Variants in ZNF534 observed in about 807,000 individuals in gnomAD.
The protein encoded by ZNF534 is KRAB domain only 3.
In ZNF534, 19 loss-of-function variants were observed where a neutral mutation model predicts 13.6. The ratio of observed to expected loss-of-function variants is 1.40; its 90% CI spans 0.97 to 2.05. The LOEUF (loss-of-function observed/expected upper bound fraction) is 2.05, where lower values mean the gene tolerates loss of function less well. Among genes scored for constraint, ZNF534 ranks in the 30% most tolerant of loss-of-function variants. The probability of loss-of-function intolerance (pLI) is 0.00; values close to 1 mark genes in which losing one functional copy is unlikely to be tolerated. For synonymous variants in ZNF534, 244 were observed against 273.8 expected (o/e 0.89, Z 1.07); for missense variants, 782 against 796.3 (o/e 0.98, Z 0.22).
At chr19:52,451,994 A>G in exon 5 of ZNF534, 1 of 306,774 alleles carries the variant, frequency 3.3e-6, no homozygotes, top group South Asian at 4.3e-5. Context: ...TCTTAAAAAC[A>G]AAGAGTTTTT....
chr19:52,450,670 G>GTTTTT lies in ZNF534; in HGVS notation c.272-507_272-503dup, dbSNP rs796423133. 7.4e-4 allele frequency among the ~76,000 whole-genome samples: 28 copies of GTTTTT among 37,780 alleles called. 11 individuals carry two copies. The highest frequency in any genetic ancestry group is 1.1e-3 in the Non-Finnish European group (19 of 16,576). The allele number at this position is 37,780 out of a possible 152,430, so 24.8% of individuals were successfully genotyped here. A position where few individuals can be genotyped will look rare whatever the true frequency, so the allele number is the denominator to read the frequency against. ...CCGTAGTTCCCTATGAATTTTAGGA[G>GTTTTT]TTTTTTTTTTTTTTGTTTTTGTTTT... On this transcript the variant is annotated intron_variant, in intron 4 of 4. Transcript: ENST00000301085.
chr19:52,445,037 G>T (rs545311450), downstream of ZNF534, among the ~76,000 whole-genome samples: 27 of 152,240 alleles, frequency 1.8e-4, no homozygotes, highest in South Asian at 4.1e-4. Context: ...TCATTCAGTT[G>T]GAATTGTTAC....
chr19:52,433,878 TA>T (rs2059109382), intron 2 of ZNF534, 76 bp from the exon 3 acceptor site: 1 of 1,576,712 alleles, frequency 6.3e-7, no homozygotes, highest in African/African-American at 1.3e-5. Flanking sequence ...AGTGAGTCCT[TA>T]CAACTGTCTT....
intron 4 of ZNF534, among the ~76,000 whole-genome samples, chr19:52,435,680 T>C (rs2059124195): frequency 6.6e-6 from 1 of 151,998 alleles, no homozygotes; most frequent in Non-Finnish European, 1.5e-5. Context: ...GTTTTTTGTA[T>C]TTTTAGTAGA....
Position 52,437,973 on chromosome 19 carries a change from A to C in ZNF534, c.513A>C (p.Thr171=). The part of the protein sequence containing the change: ...NNYRNDFLFS[T]LLPQEQKVHI... Reference sequence around the variant, plus strand: ...ACAGAAATGATTTTCTTTTTTCTACATTACTCCCACAAGAACAGAAAGTAC... The same window carrying C: ...ACAGAAATGATTTTCTTTTTTCTACCTTACTCCCACAAGAACAGAAAGTAC... The change falls in exon 5 of 5, where the codon ACA becomes ACC. Residue 171 remains threonine (T), a synonymous_variant. Transcript: ENST00000433050. The C allele has an allele frequency of 6.2e-7, 1 of 1,613,830 alleles. No individual in the cohort carries two copies. Among genetic ancestry groups the C allele is most frequent in the South Asian group, 1.1e-5 (1 of 91,014 alleles).
chr19:52,438,232 G>T lies in ZNF534; in HGVS notation c.772G>T (p.Ala258Ser). The change falls in exon 5 of 5, where the codon GCA (alanine) becomes TCA (serine). Residue 258 changes from alanine (A) to serine (S), a missense_variant. Ala to Ser is a moderately conservative substitution (Grantham distance 99, BLOSUM62 1). Coordinates refer to ENST00000433050, the MANE Select transcript of ZNF534 (RefSeq NM_001143938.3). ...AGTCTTCAATCAGAATTCACACCTT[G>T]CACAACATCAGAAAATTCATACTGG... ...GKVFNQNSHL[A>S]QHQKIHTGQK... 1 of 1,613,826 alleles carries T rather than the reference G, an allele frequency of 6.2e-7. No homozygotes were observed. The highest frequency in any genetic ancestry group is 8.5e-7 in the Non-Finnish European group (1 of 1,179,944).
intron 4 of ZNF534, among the ~76,000 whole-genome samples, chr19:52,450,653 C>T (rs12982843): frequency 7.4e-6 from 1 of 135,590 alleles, no homozygotes; most frequent in Non-Finnish European, 1.5e-5. Flanking sequence ...TTCCGTAGTT[C>T]CCTATGAATT....
chr19:52,444,995 C>T (rs1040109448), downstream of ZNF534, among the ~76,000 whole-genome samples: 5 of 152,124 alleles, frequency 3.3e-5, no homozygotes, highest in East Asian at 1.9e-4. Flanking sequence ...ACTGGATTCA[C>T]GCTCTTCCAT....
downstream of ZNF534, among the ~76,000 whole-genome samples, chr19:52,446,098 C>T (rs1263282145): frequency 6.6e-6 from 1 of 152,136 alleles, no homozygotes; most frequent in African/African-American, 2.4e-5. Context: ...AGATGGTCAA[C>T]TAAAATCTCT....
rs544963375 is a variant in ZNF534, at chr19:52,440,112, A to G, written c.*666A>G. Among the ~76,000 whole-genome samples the G allele has an allele frequency of 6.6e-6, 1 of 152,330 alleles. No homozygotes were observed. Among genetic ancestry groups the G allele is most frequent in the Non-Finnish European group, 1.5e-5 (1 of 68,036 alleles). On this transcript the variant is annotated 3_prime_UTR_variant, in exon 5 of 5. Coordinates refer to ENST00000433050, the MANE Select transcript of ZNF534 (RefSeq NM_001143938.3). ...AGTTATGAAGCCTCACAAAAGTAAT[A>G]AATATGGCAAAGAATTTCATATGAA...
chr19:52,451,654 C>T (rs369187174), exon 5 of ZNF534: 62 of 655,332 alleles, frequency 9.5e-5, no homozygotes, highest in East Asian at 6.3e-4. Flanking sequence ...TGAAAACGGA[C>T]ATTCAGACAG....
Position 52,451,818 on chromosome 19 carries a change from A to T in ZNF534, c.*321A>T, listed in dbSNP as rs2059218388. On this transcript the variant is annotated 3_prime_UTR_variant, in exon 5 of 5. Coordinates refer to the ZNF534 transcript ENST00000301085. Reference sequence around the variant, plus strand: ...TTTGCAAAGAAAAGTTTGAAGTCAAAAAAAGGTGATCGAATTGCACAGCTC... The same window carrying T: ...TTTGCAAAGAAAAGTTTGAAGTCAATAAAAGGTGATCGAATTGCACAGCTC... The T allele has an allele frequency of 5.3e-6, 4 of 759,472 alleles. No homozygotes were observed. In the South Asian group the frequency reaches 5.8e-5, roughly 11 times the overall value. 47.0% of individuals were successfully genotyped at this position (759,472 alleles called of 1,614,324 possible). A position where few individuals can be genotyped will look rare whatever the true frequency, so the allele number is the denominator to read the frequency against.
In ZNF534 at chr19:52,440,447, G is replaced by A. The variant is rs374589329; in HGVS notation, c.*1001G>A. Reference sequence around the variant, plus strand: ...ATACCTTTTAAATGTAGCAAATATGGCAAAGTCAAAGTCACAATTCACATC... The same window carrying A: ...ATACCTTTTAAATGTAGCAAATATGACAAAGTCAAAGTCACAATTCACATC... On this transcript the variant is annotated 3_prime_UTR_variant, in exon 5 of 5. Transcript: ENST00000433050. Among the ~76,000 whole-genome samples, 52 of 152,250 alleles carry A rather than the reference G, an allele frequency of 3.4e-4. 2 individuals are homozygous for A. In the South Asian group the frequency reaches 6.6e-3, roughly 19 times the overall value.
At position 52,441,833 on chromosome 19, in the gene ZNF534, T is replaced by C. The variant is rs896020496; in HGVS notation, c.*2387T>C. ...ACATAATGGAGAGAAACCTTACAAA[T>C]GCAACATATGTGGTAAAATGTTTTA... On this transcript the variant is annotated 3_prime_UTR_variant, in exon 5 of 5. Coordinates refer to ENST00000433050, the MANE Select transcript of ZNF534 (RefSeq NM_001143938.3). Among the ~76,000 whole-genome samples the C allele has an allele frequency of 2.0e-5, 3 of 152,142 alleles. No homozygotes were observed. The highest frequency in any genetic ancestry group is 1.3e-4 in the Admixed American group (2 of 15,274).
In ZNF534 at chr19:52,438,994, CAT is replaced by C. The variant is rs959110986; in HGVS notation, c.1536_1537del (p.His512GlnfsTer13). 3.1e-6 allele frequency: 5 copies of C among 1,603,664 alleles called. No homozygotes were observed. The African/African-American group carries it at 5.4e-5, about 17-fold the overall frequency. ...VFRQNSHLAQ[H>X]RDIHTGEKPY... ...CCGTCAGAATTCACACCTTGCACAA[CAT>C]AGGGATATTCATACTGGAGAGAAGC... On this transcript the variant is annotated frameshift_variant, in exon 5 of 5. Transcript: ENST00000433050. LOFTEE classifies it low-confidence loss of function (END_TRUNC).
At chr19:52,451,547 G>T in exon 5 of ZNF534, 1 of 602,894 alleles carries the variant, frequency 1.7e-6, no homozygotes, top group Non-Finnish European at 2.9e-6. Flanking sequence ...GGAGGAGGGC[G>T]GCATGCAGCT....
chr19:52,450,860 T>G (rs956175647), intron 4 of ZNF534, among the ~76,000 whole-genome samples: 1 of 151,818 alleles, frequency 6.6e-6, no homozygotes, highest in African/African-American at 2.4e-5. Flanking sequence ...CTAATTTTTG[T>G]ATTTTTTGTA....
At chr19:52,442,601 G>A (rs112297096), downstream of ZNF534, among the ~76,000 whole-genome samples, 2,941 of 152,188 alleles carry the variant, frequency 0.019, 106 homozygotes, top group African/African-American at 0.067. Flanking sequence ...GCTGGGTTAG[G>A]GTCCCCATGA....
chr19:52,447,664 A>G (rs1015475203), intron 4 of ZNF534, among the ~76,000 whole-genome samples: 4 of 152,154 alleles, frequency 2.6e-5, no homozygotes, highest in Admixed American at 6.6e-5. Context: ...TCATGTTAAT[A>G]TCGTGGATTA....
Sources: gnomAD v4.1 joint callset for allele counts (sites outside exome capture counted in the v4.1 genomes callset) on GRCh38, gnomAD v4.1.1 for gene constraint, MANE v1.5 for transcripts, NCBI Gene and HGNC (gene_info 2026-07-23, HGNC 2026-07-21) for gene names.